DRC4: variants seen among roughly 807,000 people sequenced by gnomAD.
DRC4 encodes the protein GAS-11.
chr16:90,036,773 A>G, the DRC4 span: 12 of 707,286 alleles, frequency 1.7e-5, no homozygotes, highest in East Asian at 2.7e-5. Context: ...ATCTCTACCT[A>G]TTGTTAAAAG....
the DRC4 span, among the ~76,000 whole-genome samples, chr16:90,023,769 G>A: frequency 6.6e-5 from 10 of 150,994 alleles, 1 homozygote; most frequent in East Asian, 7.7e-4. Flanking sequence ...CGAGGCAGGC[G>A]GATCATGAGG....
chr16:90,036,544 C>A, the DRC4 span: 2 of 1,603,198 alleles, frequency 1.2e-6, no homozygotes, highest in South Asian at 1.1e-5. Context: ...ACTACTACAA[C>A]GACATCACCC....
At chr16:90,023,591 G>GTTGCCAGCCTGGCAACACGTCTCTTA in the DRC4 span, among the ~76,000 whole-genome samples, 8 of 151,478 alleles carry the variant, frequency 5.3e-5, no homozygotes, top group South Asian at 2.1e-4. Context: ...AGCCTTCTTG[G>GTTGCCAGCCTGGCAACACGTCTCTTA]AGTGGAGGGA....
the DRC4 span, among the ~76,000 whole-genome samples, chr16:90,021,874 A>AAG: frequency 7.9e-6 from 1 of 127,238 alleles, no homozygotes; most frequent in Admixed American, 8.9e-5. Context: ...AAAAAAAAAA[A>AAG]AAGCACCTGT....
the DRC4 span, chr16:90,029,203 G>GGGCAGGCTGCGGGGCAGCCTACGC: frequency 2.2e-6 from 3 of 1,360,560 alleles, no homozygotes. Flanking sequence ...GCAGCCTACG[G>GGGCAGGCTGCGGGGCAGCCTACGC]GGCAGGCTAC....
chr16:90,028,881 G>A, the DRC4 span: 1 of 1,181,360 alleles, frequency 8.5e-7, no homozygotes, highest in Non-Finnish European at 1.1e-6. Context: ...ATGACCTGAA[G>A]TTGGAGCTAG....
the DRC4 span, chr16:90,032,823 C>G: frequency 1.2e-6 from 2 of 1,613,882 alleles, no homozygotes; most frequent in Non-Finnish European, 1.7e-6. Flanking sequence ...GAAAGAGCAC[C>G]GCATACAGGA....
At chr16:90,026,181 A>G in the DRC4 span, among the ~76,000 whole-genome samples, 5 of 152,136 alleles carry the variant, frequency 3.3e-5, no homozygotes, top group Non-Finnish European at 5.9e-5. Flanking sequence ...TACTGGGAGT[A>G]GCAAAGTCAG....
the DRC4 span, chr16:90,036,320 C>A: frequency 7.0e-7 from 1 of 1,434,316 alleles, no homozygotes; most frequent in Non-Finnish European, 9.6e-7. Context: ...GCTCCATGTT[C>A]TGTAGCCGTA....
chr16:90,022,435 G>A, the DRC4 span, among the ~76,000 whole-genome samples: 2 of 152,324 alleles, frequency 1.3e-5, no homozygotes, highest in Admixed American at 6.5e-5. Flanking sequence ...AGAAGTGAAG[G>A]GTTCCCCCCT....
chr16:90,025,161 T>C, the DRC4 span, among the ~76,000 whole-genome samples: 657 of 150,726 alleles, frequency 4.4e-3, 1 homozygote, highest in African/African-American at 0.015. Context: ...GGACTACAGG[T>C]GCCCGCCACC....
chr16:90,037,193 C>A, the DRC4 span: 1 of 1,552,908 alleles, frequency 6.4e-7, no homozygotes, highest in South Asian at 1.2e-5. Flanking sequence ...TTTGGTTCTG[C>A]CTGCTGAGCC....
the DRC4 span, chr16:90,028,825 T>G: frequency 1.4e-6 from 1 of 734,238 alleles, no homozygotes; most frequent in Non-Finnish European, 1.9e-6. Context: ...CTTCTTTTGA[T>G]AGTTGTAAGA....
At chr16:90,034,528 A>G in the DRC4 span, among the ~76,000 whole-genome samples, 29 of 152,112 alleles carry the variant, frequency 1.9e-4, no homozygotes, top group African/African-American at 6.8e-4. Context: ...ACGCTGAGGC[A>G]GAAGAATCAC....
At chr16:90,036,315 A>T in the DRC4 span, 1 of 1,420,670 alleles carries the variant, frequency 7.0e-7, no homozygotes, top group Admixed American at 2.0e-5. Flanking sequence ...TACAGGCTCC[A>T]TGTTCTGTAG....
chr16:90,029,057 C>T, the DRC4 span: 4 of 1,305,562 alleles, frequency 3.1e-6, no homozygotes, highest in African/African-American at 4.6e-5. Context: ...TGCGTTGTCC[C>T]AGCATGTGAG....
the DRC4 span, chr16:90,019,727 C>G: frequency 2.0e-5 from 13 of 653,932 alleles, no homozygotes; most frequent in Non-Finnish European, 3.6e-5. This position sits in a 1 kb window ranked among gnomAD's most constrained non-coding sequence, Gnocchi z 6.1. Flanking sequence ...TGCGCACTCA[C>G]TTGGCGGCCG....
the DRC4 span, among the ~76,000 whole-genome samples, chr16:90,021,351 C>T: frequency 1.3e-5 from 2 of 152,264 alleles, no homozygotes; most frequent in Admixed American, 6.5e-5. Flanking sequence ...CAACTTTCTA[C>T]GAGCATGGAT....
At chr16:90,043,105 G>C in the DRC4 span, 1 of 1,400,698 alleles carries the variant, frequency 7.1e-7, no homozygotes, top group Non-Finnish European at 9.7e-7. Context: ...GCACCGTGAT[G>C]CTCACGCTGC....
Sources: allele counts gnomAD v4.1 joint callset (sites outside exome capture counted in the v4.1 genomes callset), GRCh38; gene constraint gnomAD v4.1.1; non-coding constraint Gnocchi (gnomAD v3.1); transcripts MANE v1.5; gene names NCBI Gene and HGNC (gene_info 2026-07-23, HGNC 2026-07-21).